Variants in SERINC5 observed in about 807,000 individuals in gnomAD.
SERINC5 encodes serine incorporator 5.
In SERINC5, 41 loss-of-function variants were observed where a neutral mutation model predicts 63.1. The observed-to-expected ratio is 0.65, with a 90% CI of 0.51 to 0.84. The LOEUF (loss-of-function observed/expected upper bound fraction) is 0.84, where lower values mean the gene tolerates loss of function less well. SERINC5 is among the 40% of genes least tolerant of loss of function. The probability of loss-of-function intolerance (pLI) is 0.00; values close to 1 mark genes in which losing one functional copy is unlikely to be tolerated. For missense variants in SERINC5, 523 were observed against 573.0 expected (o/e 0.91, Z 0.89); for synonymous variants, 222 against 215.2 (o/e 1.03, Z -0.28).
At chr5:80,225,603 G>T (rs1751132148) in intron 1 of SERINC5, among the ~76,000 whole-genome samples, 2 of 152,216 alleles carry the variant, frequency 1.3e-5, no homozygotes, top group Non-Finnish European at 2.9e-5. Context: ...GCAATGAGCA[G>T]CAAAGCCTTG....
intron 1 of SERINC5, among the ~76,000 whole-genome samples, chr5:80,232,472 G>A (rs1200586685): frequency 6.6e-6 from 1 of 150,490 alleles, no homozygotes; most frequent in Non-Finnish European, 1.5e-5. Context: ...TCAGTAAAGT[G>A]TGGTATATTC....
chr5:80,247,116 A>G (rs1752201819), intron 1 of SERINC5, among the ~76,000 whole-genome samples: 1 of 152,224 alleles, frequency 6.6e-6, no homozygotes, highest in South Asian at 2.1e-4. Flanking sequence ...ATTACATCCA[A>G]TGGCTAGTTC....
chr5:80,255,957 T>A lies in SERINC5; in HGVS notation c.-35A>T. On this transcript the variant is annotated 5_prime_UTR_variant, in exon 1 of 12. Coordinates refer to ENST00000507668, the MANE Select transcript of SERINC5 (RefSeq NM_001174072.3). ...CAATGCCGAAGGCGCGCTCGCTGGC[T>A]CCCCGCGCCGCACGGGCCCTCCTGG... is the stretch of plus-strand genomic sequence containing the variant. 6.6e-7 allele frequency: 1 copy of A among 1,515,924 alleles called. No homozygotes were observed. The highest frequency in any genetic ancestry group is 8.8e-7 in the Non-Finnish European group (1 of 1,140,396). 93.9% of individuals were successfully genotyped at this position (1,515,924 alleles called of 1,614,324 possible). A position where few individuals can be genotyped will look rare whatever the true frequency, so the allele number is the denominator to read the frequency against.
intron 1 of SERINC5, among the ~76,000 whole-genome samples, chr5:80,212,494 G>T (rs994281039): frequency 6.6e-6 from 1 of 152,088 alleles, no homozygotes; most frequent in Non-Finnish European, 1.5e-5. Flanking sequence ...TGAGTCAACT[G>T]TGGTCTGCAG....
intron 1 of SERINC5, among the ~76,000 whole-genome samples, chr5:80,254,170 C>A (rs1456073426): frequency 6.6e-6 from 1 of 152,268 alleles, no homozygotes; most frequent in South Asian, 2.1e-4. Context: ...GTGATCCGCC[C>A]GCCTCTGCCT....
intron 2 of SERINC5, among the ~76,000 whole-genome samples, chr5:80,200,149 C>A (rs1408725908): frequency 1.6e-5 from 2 of 125,480 alleles, no homozygotes; most frequent in Non-Finnish European, 3.5e-5. Context: ...CAGAGCGAGA[C>A]TCGTAATTTC....
At chr5:80,212,134 C>T (rs1214328719) in intron 1 of SERINC5, among the ~76,000 whole-genome samples, 1 of 152,120 alleles carries the variant, frequency 6.6e-6, no homozygotes, top group Non-Finnish European at 1.5e-5. Context: ...TACAGGAGAC[C>T]TACCAAAGCT....
downstream of SERINC5, among the ~76,000 whole-genome samples, chr5:80,138,306 TGA>T (rs1311916973): frequency 1.3e-5 from 2 of 151,770 alleles, no homozygotes; most frequent in Non-Finnish European, 2.9e-5. Context: ...TTAAAAATTC[TGA>T]GAGTAGGCCG....
In SERINC5 at chr5:80,143,695, G is replaced by A. The variant is rs1745648358; in HGVS notation, c.1354C>T (p.Leu452Phe). 1.3e-6 allele frequency: 2 copies of A among 1,535,964 alleles called. No individual in the cohort carries two copies. Among genetic ancestry groups the A allele is most frequent in the Non-Finnish European group, 8.7e-7 (1 of 1,146,864 alleles). The change falls in exon 12 of 12, where the codon CTC becomes TTC. Residue 452 changes from leucine to phenylalanine, a missense_variant. Leu to Phe is a conservative substitution (Grantham distance 22, BLOSUM62 0). Transcript: ENST00000507668. ...GAGAACTCCCGGGTGGGGCAGCAGAGGGGAGCGACCAGCGTACACAGGTAC... is the reference window on the plus strand; with the variant it reads ...GAGAACTCCCGGGTGGGGCAGCAGAAGGGAGCGACCAGCGTACACAGGTAC... ...LLYLCTLVAP[L>F]CCPTREFSV
intron 2 of SERINC5, among the ~76,000 whole-genome samples, chr5:80,196,082 G>A (rs1477091360): frequency 3.3e-5 from 5 of 152,146 alleles, no homozygotes; most frequent in Admixed American, 3.3e-4. Flanking sequence ...GGAAGCCTGA[G>A]ACTTTTATGA....
At chr5:80,217,104 ATTT>A (rs143256605) in intron 1 of SERINC5, among the ~76,000 whole-genome samples, 17,887 of 150,134 alleles carry the variant, frequency 0.12, 1,083 homozygotes, top group East Asian at 0.16. Flanking sequence ...TTTAATTTTA[ATTT>A]TTTTATTTTG....
In SERINC5 at chr5:80,220,378, A is replaced by G. The variant is rs556325074; in HGVS notation, c.28-17325T>C. Among the ~76,000 whole-genome samples, 124 of 152,282 alleles carry G rather than the reference A, an allele frequency of 8.1e-4. No homozygotes were observed. In the Middle Eastern group the frequency reaches 0.01, roughly 13 times the overall value. On this transcript the variant is annotated intron_variant, in intron 1 of 11. Coordinates refer to ENST00000507668, the MANE Select transcript of SERINC5 (RefSeq NM_001174072.3). ...AACAAAATCATACACAATGGACCTC[A>G]ATGCCAGGCTGACTGAATGAATTGT...
intron 11 of SERINC5, among the ~76,000 whole-genome samples, chr5:80,128,191 G>A (rs1423314631): frequency 6.6e-6 from 1 of 152,156 alleles, no homozygotes; most frequent in Non-Finnish European, 1.5e-5. Flanking sequence ...TTGAAAGTAT[G>A]TTTGTTTTCT....
chr5:80,249,096 C>T (rs1485320500), intron 1 of SERINC5, among the ~76,000 whole-genome samples: 4 of 152,018 alleles, frequency 2.6e-5, no homozygotes, highest in Non-Finnish European at 5.9e-5. Context: ...GGGTGGATCA[C>T]GAGGTCAGGA....
In SERINC5 at chr5:80,232,594, G is replaced by A. The variant is rs370335620; in HGVS notation, c.27+23302C>T. On this transcript the variant is annotated intron_variant, in intron 1 of 11. Coordinates refer to ENST00000507668, the MANE Select transcript of SERINC5 (RefSeq NM_001174072.3). ...AGGTCAGGAGTTCAAGACCAGCCTG[G>A]CCAACATAGTGAAGCCCCATCTCTA... 2.6e-5 allele frequency among the ~76,000 whole-genome samples: 4 copies of A among 152,042 alleles called. No individual in the cohort carries two copies. In the East Asian group the frequency reaches 7.7e-4, roughly 29 times the overall value.
chr5:80,212,406 TCAG>T (rs1318054999), intron 1 of SERINC5, among the ~76,000 whole-genome samples: 6 of 152,192 alleles, frequency 3.9e-5, no homozygotes, highest in Non-Finnish European at 5.9e-5. Context: ...TCCACACCTT[TCAG>T]TAATACATAA....
chr5:80,215,952 G>A (rs1050055897), intron 1 of SERINC5, among the ~76,000 whole-genome samples: 1 of 152,166 alleles, frequency 6.6e-6, no homozygotes, highest in South Asian at 2.1e-4. Flanking sequence ...TGTTTATCAA[G>A]TCCTCTGTTC....
chr5:80,152,332 C>T (rs1012971324), intron 8 of SERINC5, among the ~76,000 whole-genome samples: 4 of 152,022 alleles, frequency 2.6e-5, no homozygotes, highest in East Asian at 1.9e-4. Flanking sequence ...AAAACCCTGT[C>T]GCTACAAAAA....
At chr5:80,174,387 T>TAATAATAATAATAATAAC (rs1318750732) in intron 5 of SERINC5, among the ~76,000 whole-genome samples, 2 of 140,926 alleles carry the variant, frequency 1.4e-5, no homozygotes, top group Non-Finnish European at 1.6e-5. Context: ...ATAATAATAA[T>TAATAATAATAATAATAAC]AATAATAATA....
Sources: allele counts gnomAD v4.1 joint callset (sites outside exome capture counted in the v4.1 genomes callset), GRCh38; gene constraint gnomAD v4.1.1; transcripts MANE v1.5; gene names NCBI Gene and HGNC (gene_info 2026-07-23, HGNC 2026-07-21).